CRACD: variants seen among roughly 807,000 people sequenced by gnomAD.
CRACD encodes the protein capping protein inhibiting regulator of actin dynamics.
In CRACD, 56 loss-of-function variants were observed where a neutral mutation model predicts 106.8. That is an observed-to-expected ratio of 0.52 (90% CI 0.42 to 0.66). The LOEUF is 0.66. Ranked by LOEUF, CRACD falls within the 30% of genes least tolerant of loss-of-function variation. CRACD has a pLI of 0.00. For missense variants in CRACD, 1,730 were observed against 1,623.2 expected (o/e 1.07, Z -1.13); for synonymous variants, 754 against 670.8 (o/e 1.12, Z -1.92).
chr4:56,156,046 C>A (rs924384265), intron 1 of CRACD, among the ~76,000 whole-genome samples: 6 of 152,182 alleles, frequency 3.9e-5, no homozygotes, highest in African/African-American at 1.2e-4. Flanking sequence ...TTACTGCAAC[C>A]TCCACCTCCT....
At chr4:56,177,996 T>A (rs927649352) in intron 1 of CRACD, among the ~76,000 whole-genome samples, 2 of 152,218 alleles carry the variant, frequency 1.3e-5, no homozygotes, top group South Asian at 4.1e-4. Flanking sequence ...ATTGTCTCAA[T>A]GTTATTTGTT....
At chr4:56,277,111 T>C (rs549320262) in intron 3 of CRACD, among the ~76,000 whole-genome samples, 1 of 152,080 alleles carries the variant, frequency 6.6e-6, no homozygotes, top group East Asian at 1.9e-4. Context: ...AGATGACAAA[T>C]AGAATAGGAG....
At chr4:56,217,232 G>A (rs1738752579) in intron 2 of CRACD, among the ~76,000 whole-genome samples, 1 of 152,124 alleles carries the variant, frequency 6.6e-6, no homozygotes, top group Admixed American at 6.5e-5. Context: ...AAACCAAGAA[G>A]TATCTGAGGC....
intron 1 of CRACD, among the ~76,000 whole-genome samples, chr4:56,160,239 G>A (rs1298174749): frequency 6.9e-6 from 1 of 144,860 alleles, no homozygotes; most frequent in Admixed American, 7.0e-5. Flanking sequence ...CTGGAGTGCA[G>A]TGGCGCGATC....
At chr4:56,169,020 A>G (rs1429168640) in intron 1 of CRACD, among the ~76,000 whole-genome samples, 1 of 152,174 alleles carries the variant, frequency 6.6e-6, no homozygotes, top group Non-Finnish European at 1.5e-5. Flanking sequence ...GTTACAGACT[A>G]CCTTTGTTGA....
intron 2 of CRACD, among the ~76,000 whole-genome samples, chr4:56,238,332 A>C (rs1348738996): frequency 6.6e-6 from 1 of 152,244 alleles, no homozygotes; most frequent in Non-Finnish European, 1.5e-5. Flanking sequence ...ATCTTTCTCT[A>C]TATGTGGTCT....
intron 2 of CRACD, among the ~76,000 whole-genome samples, chr4:56,221,601 A>C (rs1739034212): frequency 6.6e-6 from 1 of 152,182 alleles, no homozygotes; most frequent in Non-Finnish European, 1.5e-5. Flanking sequence ...TTTGTAAACT[A>C]TACATCTAAG....
In CRACD at chr4:56,258,468, A is replaced by T. The variant is rs569806611; in HGVS notation, c.-188-13853A>T. Among the ~76,000 whole-genome samples, 3 of 152,350 alleles carry T rather than the reference A, an allele frequency of 2.0e-5. 1 individual carries two copies. The South Asian group carries it at 6.2e-4, about 32-fold the overall frequency. On this transcript the variant is annotated intron_variant, in intron 2 of 10. Transcript: ENST00000682029. ...ATGAGCATGTTCTTAACCTTGGCAA[A>T]ATAAACTTCTAAATTGATTGAGACT...
At chr4:56,312,298 C>T (rs1409150487) in intron 6 of CRACD, among the ~76,000 whole-genome samples, 1 of 152,118 alleles carries the variant, frequency 6.6e-6, no homozygotes, top group Non-Finnish European at 1.5e-5. Flanking sequence ...GCTGGGATTA[C>T]AGGTGTGCAC....
intron 1 of CRACD, among the ~76,000 whole-genome samples, chr4:56,130,374 G>A (rs28392731): frequency 0.048 from 7,368 of 152,168 alleles, 272 homozygotes; most frequent in East Asian, 0.09. Flanking sequence ...ATAACTTGGA[G>A]CAAGATTTAG....
chr4:56,055,489 G>T (rs189813051), intron 1 of CRACD, among the ~76,000 whole-genome samples: 181 of 152,192 alleles, frequency 1.2e-3, no homozygotes, highest in Admixed American at 3.3e-3. Flanking sequence ...TTATGGTCTC[G>T]GGTGGGGGCC....
chr4:56,227,143 G>C (rs1739344693), intron 2 of CRACD, among the ~76,000 whole-genome samples: 2 of 152,144 alleles, frequency 1.3e-5, no homozygotes, highest in South Asian at 4.1e-4. Flanking sequence ...TCCAGTAAAA[G>C]TGGTCAACAT....
At chr4:56,273,944 A>C (rs1742519936) in intron 3 of CRACD, among the ~76,000 whole-genome samples, 1 of 152,246 alleles carries the variant, frequency 6.6e-6, no homozygotes, top group Non-Finnish European at 1.5e-5. Context: ...TCTAATGAAC[A>C]CTGCTGTTGT....
intron 1 of CRACD, among the ~76,000 whole-genome samples, chr4:56,149,955 A>G (rs528506356): frequency 2.6e-5 from 4 of 152,280 alleles, no homozygotes; most frequent in African/African-American, 9.6e-5. Flanking sequence ...GGACTGAAAA[A>G]TATTTCTATA....
At chr4:56,077,327 G>A (rs1331416754) in intron 1 of CRACD, among the ~76,000 whole-genome samples, 1 of 152,190 alleles carries the variant, frequency 6.6e-6, no homozygotes, top group Non-Finnish European at 1.5e-5. Flanking sequence ...CAGCATGGGG[G>A]AAACCGATTC....
intron 1 of CRACD, among the ~76,000 whole-genome samples, chr4:56,152,169 C>A (rs1002119377): frequency 6.6e-6 from 1 of 151,162 alleles, no homozygotes; most frequent in African/African-American, 2.4e-5. Context: ...GCCACCACGC[C>A]CAGCTAATTT....
intron 1 of CRACD, among the ~76,000 whole-genome samples, chr4:56,076,292 T>G (rs1732835721): frequency 6.6e-6 from 1 of 152,118 alleles, no homozygotes; most frequent in South Asian, 2.1e-4. Flanking sequence ...AAAATACATT[T>G]CTGTTGTTGA....
chr4:56,163,604 A>G (rs926224920), intron 1 of CRACD, among the ~76,000 whole-genome samples: 2 of 152,202 alleles, frequency 1.3e-5, no homozygotes, highest in Non-Finnish European at 2.9e-5. Context: ...ATGGGACCAA[A>G]TTGCTTTTAA....
rs1407602488 is a variant in CRACD, at chr4:56,330,271, T to A, written c.*2467T>A. On this transcript the variant is annotated 3_prime_UTR_variant, in exon 11 of 11. Transcript: ENST00000682029. ...ATTAACCTCTGTTCATAGACTTATA[T>A]ATAAAACTAGAGGGTTTTTTGTTTA... Among the ~76,000 whole-genome samples, 1 of 152,130 alleles carries A rather than the reference T, an allele frequency of 6.6e-6. No homozygotes were observed. The highest frequency in any genetic ancestry group is 1.5e-5 in the Non-Finnish European group (1 of 68,018).
Sources: gnomAD v4.1 joint callset for allele counts (sites outside exome capture counted in the v4.1 genomes callset) on GRCh38, gnomAD v4.1.1 for gene constraint, MANE v1.5 for transcripts, NCBI Gene and HGNC (gene_info 2026-07-23, HGNC 2026-07-21) for gene names.